EML6: variants seen among roughly 807,000 people sequenced by gnomAD.
The protein encoded by EML6 is echinoderm microtubule-associated protein-like 6.
Under a neutral mutation model 240.1 loss-of-function variants are expected in EML6, and 154 were observed. That is an observed-to-expected ratio of 0.64 (90% CI 0.56 to 0.73). The LOEUF is 0.73. EML6 is among the 30% of genes least tolerant of loss of function. The probability of loss-of-function intolerance (pLI) is 0.00; values close to 1 mark genes in which losing one functional copy is unlikely to be tolerated. For synonymous variants in EML6, 1,148 were observed against 899.0 expected, an observed-to-expected ratio of 1.28 and a Z score of -4.95; for missense variants, 2,964 against 2,474.6, an observed-to-expected ratio of 1.20 and a Z score of -4.20.
chr2:54,726,296 G>A (rs1474957174), intron 2 of EML6, among the ~76,000 whole-genome samples: 1 of 152,176 alleles, frequency 6.6e-6, no homozygotes, highest in Non-Finnish European at 1.5e-5. Flanking sequence ...TACATTCTCA[G>A]AATATTGCCA....
At chr2:54,852,449 G>C (rs920676262) in intron 10 of EML6, among the ~76,000 whole-genome samples, 1 of 152,096 alleles carries the variant, frequency 6.6e-6, no homozygotes, top group African/African-American at 2.4e-5. Context: ...ATACCATCCT[G>C]TTCAGGGGTG....
intron 28 of EML6, among the ~76,000 whole-genome samples, chr2:54,942,059 T>A (rs1675458181): frequency 6.6e-6 from 1 of 152,248 alleles, no homozygotes; most frequent in Non-Finnish European, 1.5e-5. Context: ...GCTATTTTCA[T>A]AAATGATTTT....
intron 2 of EML6, among the ~76,000 whole-genome samples, chr2:54,789,304 G>A (rs907622517): frequency 6.6e-6 from 1 of 151,888 alleles, no homozygotes; most frequent in East Asian, 1.9e-4. Context: ...ACGAGGTCAG[G>A]AGATCGAGAC....
intron 14 of EML6, chr2:54,867,383 A>G (rs1356563006): frequency 6.5e-6 from 1 of 152,806 alleles, no homozygotes; most frequent in African/African-American, 2.4e-5. Context: ...CTGAGAAGAT[A>G]CTATCTGTAT....
intron 11 of EML6, among the ~76,000 whole-genome samples, chr2:54,855,374 G>T (rs964328123): frequency 6.6e-6 from 1 of 151,964 alleles, no homozygotes; most frequent in Non-Finnish European, 1.5e-5. Context: ...ATGAAAATTT[G>T]TTCACTTTTA....
intron 7 of EML6, among the ~76,000 whole-genome samples, chr2:54,834,864 C>G (rs1427118595): frequency 2.0e-5 from 3 of 152,136 alleles, no homozygotes; most frequent in African/African-American, 4.8e-5. Context: ...AGTTGCATTC[C>G]TGCTTCGACC....
At chr2:54,896,381 T>A (rs1217413294) in intron 21 of EML6, among the ~76,000 whole-genome samples, 1 of 152,186 alleles carries the variant, frequency 6.6e-6, no homozygotes, top group African/African-American at 2.4e-5. Flanking sequence ...AATTGCATCC[T>A]CCTTAGTCCC....
intron 32 of EML6, among the ~76,000 whole-genome samples, chr2:54,955,498 T>G (rs1011918255): frequency 6.6e-6 from 1 of 152,232 alleles, no homozygotes; most frequent in African/African-American, 2.4e-5. Flanking sequence ...CCCCTTCTTA[T>G]GTGGGGACAG....
intron 22 of EML6, among the ~76,000 whole-genome samples, chr2:54,902,449 G>A (rs1021358215): frequency 2.0e-5 from 3 of 152,140 alleles, no homozygotes; most frequent in African/African-American, 7.2e-5. Context: ...ATCCAGTCTG[G>A]AGTGCCATGG....
At chr2:54,776,437 A>C (rs1314122170) in intron 2 of EML6, among the ~76,000 whole-genome samples, 3 of 152,052 alleles carry the variant, frequency 2.0e-5, no homozygotes, top group African/African-American at 7.2e-5. Flanking sequence ...GTCAGTTTTT[A>C]TACTTTTATT....
At chr2:54,794,710 C>G (rs977870707) in intron 2 of EML6, among the ~76,000 whole-genome samples, 2 of 152,158 alleles carry the variant, frequency 1.3e-5, no homozygotes, top group African/African-American at 4.8e-5. Context: ...CAGGGATTAA[C>G]TTTAATAGTA....
intron 2 of EML6, among the ~76,000 whole-genome samples, chr2:54,742,723 G>A (rs1237856427): frequency 1.3e-5 from 2 of 152,152 alleles, no homozygotes; most frequent in Non-Finnish European, 2.9e-5. Context: ...TCTTCCTCTA[G>A]ACACACTGGT....
chr2:54,870,139 G>T (rs546604972), intron 15 of EML6, among the ~76,000 whole-genome samples: 7 of 152,140 alleles, frequency 4.6e-5, no homozygotes, highest in Non-Finnish European at 1.5e-5. Context: ...AACATTCTTG[G>T]TATAATGTCA....
chr2:54,955,745 A>T (rs375650695), intron 32 of EML6, among the ~76,000 whole-genome samples: 37 of 152,266 alleles, frequency 2.4e-4, no homozygotes, highest in African/African-American at 7.2e-4. Flanking sequence ...AGGGCTTTTA[A>T]ACAAGCTCCC....
At chr2:54,743,964 G>C (rs903902030) in intron 2 of EML6, among the ~76,000 whole-genome samples, 1 of 152,126 alleles carries the variant, frequency 6.6e-6, no homozygotes, top group Non-Finnish European at 1.5e-5. Flanking sequence ...ACCCATTCTG[G>C]AAGAGATGGC....
chr2:54,951,840 A>G (rs1371293840), intron 30 of EML6, among the ~76,000 whole-genome samples: 1 of 152,070 alleles, frequency 6.6e-6, no homozygotes, highest in East Asian at 1.9e-4. Flanking sequence ...GGACCTTGAC[A>G]TTGTCTATAT....
chr2:54,736,045 A>G (rs1285845616), intron 2 of EML6, among the ~76,000 whole-genome samples: 2 of 152,206 alleles, frequency 1.3e-5, no homozygotes, highest in East Asian at 1.9e-4. Flanking sequence ...GGGGCTTAAA[A>G]TAGCAGGGTC....
At chr2:54,852,430 A>G (rs887425541) in intron 10 of EML6, among the ~76,000 whole-genome samples, 2 of 152,186 alleles carry the variant, frequency 1.3e-5, no homozygotes, top group Non-Finnish European at 2.9e-5. Flanking sequence ...TATCATTTGC[A>G]ATAATAAAAT....
intron 18 of EML6, among the ~76,000 whole-genome samples, chr2:54,891,955 A>G (rs1178033280): frequency 6.6e-6 from 1 of 152,216 alleles, no homozygotes; most frequent in Non-Finnish European, 1.5e-5. Flanking sequence ...TCTCACCCCA[A>G]AATAGCTGTT....
Sources: allele counts gnomAD v4.1 joint callset (sites outside exome capture counted in the v4.1 genomes callset), GRCh38; gene constraint gnomAD v4.1.1; transcripts MANE v1.5; gene names NCBI Gene and HGNC (gene_info 2026-07-23, HGNC 2026-07-21).